The following GALNT17 variants were observed in gnomAD, a reference collection of about 807,000 sequenced individuals.
GALNT17 encodes polypeptide N-acetylgalactosaminyltransferase 17.
Under a neutral mutation model 63.7 loss-of-function variants are expected in GALNT17, and 29 were observed. The observed-to-expected ratio is 0.46, with a 90% CI of 0.34 to 0.62. GALNT17 has a LOEUF of 0.62. GALNT17 is among the 20% of genes least tolerant of loss of function. The pLI is 0.01. For missense variants in GALNT17, 603 were observed against 799.6 expected (o/e 0.75, Z 2.97); for synonymous variants, 305 against 318.3 (o/e 0.96, Z 0.45).
At chr7:71,694,553 G>A (rs375063309) in intron 9 of GALNT17, among the ~76,000 whole-genome samples, 6 of 151,910 alleles carry the variant, frequency 3.9e-5, no homozygotes, top group South Asian at 2.1e-4. Context: ...GCACCACCAC[G>A]TTCAGTTAAT....
At chr7:71,170,360 G>A (rs1040967653) in intron 1 of GALNT17, among the ~76,000 whole-genome samples, 2 of 151,872 alleles carry the variant, frequency 1.3e-5, no homozygotes, top group African/African-American at 4.8e-5. Context: ...ATTTGAGACA[G>A]AGTCTCACTC....
At chr7:71,278,084 G>A (rs1790713667) in intron 1 of GALNT17, among the ~76,000 whole-genome samples, 1 of 152,138 alleles carries the variant, frequency 6.6e-6, no homozygotes, top group South Asian at 2.1e-4. Context: ...AGGGTGGGAT[G>A]GGGGATGCAG....
chr7:71,135,071 C>T (rs922495558), intron 1 of GALNT17, among the ~76,000 whole-genome samples: 1 of 152,046 alleles, frequency 6.6e-6, no homozygotes, highest in Non-Finnish European at 1.5e-5. Context: ...AGGCTGGTCT[C>T]GAATTCCTGG....
intron 9 of GALNT17, among the ~76,000 whole-genome samples, chr7:71,705,225 AAAG>A (rs1791706528): frequency 1.3e-5 from 2 of 152,120 alleles, no homozygotes; most frequent in African/African-American, 2.4e-5. Flanking sequence ...CTTTTTTTTC[AAAG>A]AAGATATAAA....
At chr7:71,664,905 T>A (rs1790961092) in intron 6 of GALNT17, among the ~76,000 whole-genome samples, 1 of 152,216 alleles carries the variant, frequency 6.6e-6, no homozygotes, top group Admixed American at 6.5e-5. Context: ...CTTTTTTATA[T>A]GTTTTAGTCA....
chr7:71,187,545 A>G (rs1056746662), intron 1 of GALNT17, among the ~76,000 whole-genome samples: 2 of 151,990 alleles, frequency 1.3e-5, no homozygotes, highest in Non-Finnish European at 2.9e-5. Flanking sequence ...GTAGCCACAA[A>G]AATAAATGGT....
At chr7:71,396,302 G>T (rs1019097990) in intron 3 of GALNT17, among the ~76,000 whole-genome samples, 1 of 152,064 alleles carries the variant, frequency 6.6e-6, no homozygotes, top group African/African-American at 2.4e-5. Flanking sequence ...ATGGTTTGAG[G>T]TAGGGATCCA....
chr7:71,613,715 A>G (rs528350294), intron 6 of GALNT17, among the ~76,000 whole-genome samples: 2 of 151,896 alleles, frequency 1.3e-5, no homozygotes, highest in Non-Finnish European at 2.9e-5. Flanking sequence ...GCACTTTGGG[A>G]GGCTGAGGCA....
At chr7:71,302,489 A>C (rs1362423418) in intron 1 of GALNT17, among the ~76,000 whole-genome samples, 1 of 152,144 alleles carries the variant, frequency 6.6e-6, no homozygotes, top group Non-Finnish European at 1.5e-5. Flanking sequence ...AATGTGTGCT[A>C]ATTTCAGGAC....
intron 5 of GALNT17, among the ~76,000 whole-genome samples, chr7:71,479,606 A>G (rs1026352914): frequency 6.6e-6 from 1 of 152,184 alleles, no homozygotes; most frequent in African/African-American, 2.4e-5. Context: ...CTGTGCTGGA[A>G]CTCATTCATT....
At chr7:71,550,933 C>T (rs10237318) in intron 5 of GALNT17, among the ~76,000 whole-genome samples, 47,478 of 151,716 alleles carry the variant, frequency 0.31, 7,581 homozygotes, top group Admixed American at 0.34. Context: ...TATGATGTAT[C>T]TAAGGATAGA....
At chr7:71,694,106 G>A (rs572220828) in intron 9 of GALNT17, among the ~76,000 whole-genome samples, 22 of 152,184 alleles carry the variant, frequency 1.4e-4, no homozygotes, top group Non-Finnish European at 1.9e-4. Flanking sequence ...CTTCCCTGGT[G>A]GCAGACAAGA....
At chr7:71,465,854 T>C (rs1787526638) in intron 5 of GALNT17, among the ~76,000 whole-genome samples, 1 of 152,162 alleles carries the variant, frequency 6.6e-6, no homozygotes, top group Non-Finnish European at 1.5e-5. Context: ...AAGGACAGTT[T>C]ATGGTGGCGG....
intron 6 of GALNT17, among the ~76,000 whole-genome samples, chr7:71,616,779 A>C (rs959237784): frequency 7.9e-5 from 10 of 126,678 alleles, no homozygotes; most frequent in African/African-American, 2.9e-4. Flanking sequence ...TTATGTGTTA[A>C]TATGTAACTA....
intron 7 of GALNT17, among the ~76,000 whole-genome samples, chr7:71,666,571 G>A (rs1000746668): frequency 2.6e-5 from 4 of 151,566 alleles, no homozygotes; most frequent in Non-Finnish European, 5.9e-5. Context: ...CTCTTCCCCT[G>A]AAGTCCCCAA....
intron 6 of GALNT17, among the ~76,000 whole-genome samples, chr7:71,663,849 TA>T (rs1405067631): frequency 6.6e-6 from 1 of 152,182 alleles, no homozygotes; most frequent in African/African-American, 2.4e-5. Context: ...TGGCTTGAAG[TA>T]ACCCATCTTG....
intron 1 of GALNT17, among the ~76,000 whole-genome samples, chr7:71,265,118 ATT>A (rs60738546): frequency 1.2e-3 from 45 of 37,426 alleles, no homozygotes; most frequent in South Asian, 3.7e-3. Flanking sequence ...ATATATATAT[ATT>A]TTTTTTTTTT....
chr7:71,701,392 C>T (rs942441626), intron 9 of GALNT17, among the ~76,000 whole-genome samples: 4 of 151,764 alleles, frequency 2.6e-5, no homozygotes, highest in Admixed American at 1.3e-4. Flanking sequence ...GAGGCTAAGG[C>T]AGGAGAATCA....
intron 1 of GALNT17, among the ~76,000 whole-genome samples, chr7:71,174,948 C>CT (rs1788608631): frequency 6.6e-6 from 1 of 152,178 alleles, no homozygotes; most frequent in South Asian, 2.1e-4. Context: ...CTTTTGAAAA[C>CT]TTTTTAAATG....
Sources: allele counts gnomAD v4.1 joint callset (sites outside exome capture counted in the v4.1 genomes callset), GRCh38; gene constraint gnomAD v4.1.1; transcripts MANE v1.5; gene names NCBI Gene and HGNC (gene_info 2026-07-23, HGNC 2026-07-21).